ITSN2: variants seen among roughly 807,000 people sequenced by gnomAD.
The protein encoded by ITSN2 is intersectin 2, also known as intersectin-2.
Under a neutral mutation model 243.7 loss-of-function variants are expected in ITSN2, and 156 were observed. The observed-to-expected ratio is 0.64, with a 90% CI of 0.56 to 0.73. The LOEUF (loss-of-function observed/expected upper bound fraction) is 0.73, where lower values mean the gene tolerates loss of function less well. ITSN2 is among the 30% of genes least tolerant of loss of function. The probability of loss-of-function intolerance (pLI) is 0.00; values close to 1 mark genes in which losing one functional copy is unlikely to be tolerated. For missense variants in ITSN2, 1,801 were observed against 1,996.1 expected, an observed-to-expected ratio of 0.90 and a Z score of 1.86; for synonymous variants, 703 against 699.9, an observed-to-expected ratio of 1.00 and a Z score of -0.07.
At chr2:24,215,991 G>T in intron 32 of ITSN2, 58 bp downstream of exon 32, 1 of 1,361,910 alleles carries the variant, frequency 7.3e-7, no homozygotes, top group Non-Finnish European at 1.0e-6. Context: ...GGGCTACTGT[G>T]TGCTGTTGCC....
rs1050539558 is a variant in ITSN2, at chr2:24,225,915, C to T, written c.3578-4849G>A. On this transcript the variant is annotated intron_variant, in intron 29 of 39. Coordinates refer to ENST00000355123, the MANE Select transcript of ITSN2 (RefSeq NM_006277.3). The surrounding 1 kb of genome is among the most constrained non-coding windows in gnomAD (Gnocchi z 4.2). ...ATTCGGGTTTTATGGATAGGATACA[C>T]CCCTTTGCCACTCTCTATACCTGCA... Among the ~76,000 whole-genome samples, 1 of 152,262 alleles carries T rather than the reference C, an allele frequency of 6.6e-6. No individual in the cohort carries two copies. Among genetic ancestry groups the T allele is most frequent in the Middle Eastern group, 3.4e-3 (1 of 294 alleles).
chr2:24,313,416 C>A (rs1683507504), intron 4 of ITSN2, 44 bp downstream of exon 4: 2 of 1,537,746 alleles, frequency 1.3e-6, no homozygotes, highest in Admixed American at 1.8e-5. Context: ...TACAAAAAAA[C>A]AAAATACTAT....
At chr2:24,228,850 A>C (rs550320687) in intron 29 of ITSN2, among the ~76,000 whole-genome samples, 44 of 152,364 alleles carry the variant, frequency 2.9e-4, no homozygotes, top group African/African-American at 1.0e-3. Flanking sequence ...TAAATCTGTC[A>C]GTGAAAAGAG....
chr2:24,214,346 T>C (rs534087425), intron 32 of ITSN2: 6 of 152,206 alleles, frequency 3.9e-5, no homozygotes, highest in Non-Finnish European at 8.8e-5. Flanking sequence ...ACAGTTTGTA[T>C]AATATAGAAT....
intron 20 of ITSN2, among the ~76,000 whole-genome samples, chr2:24,263,157 GTATA>G (rs1676131914): frequency 6.6e-6 from 1 of 151,986 alleles, no homozygotes; most frequent in South Asian, 2.1e-4. Flanking sequence ...TAATACATAA[GTATA>G]TGTACTTACT....
chr2:24,256,132 G>C lies in ITSN2; in HGVS notation c.2889-1701C>G, dbSNP rs192214350. ...CCAGCTACTTGGGAGGCTGAGGCAG[G>C]AGAATTGCTTAAACCCAGGAGGTGG... On this transcript the variant is annotated intron_variant, in intron 23 of 39. Transcript: ENST00000355123. Among the ~76,000 whole-genome samples, 372 of 152,342 alleles carry C rather than the reference G, an allele frequency of 2.4e-3. 1 individual carries two copies. Among genetic ancestry groups the C allele is most frequent in the Non-Finnish European group, 4.3e-3 (293 of 68,020 alleles).
chr2:24,246,396 T>C, intron 28 of ITSN2, 76 bp from the exon 29 acceptor site: 8 of 771,844 alleles, frequency 1.0e-5, no homozygotes, highest in Non-Finnish European at 1.5e-5. Context: ...GTAATCTCCC[T>C]AGGATTTAAA....
At chr2:24,262,973 C>T (rs1325583454) in intron 20 of ITSN2, among the ~76,000 whole-genome samples, 1 of 152,114 alleles carries the variant, frequency 6.6e-6, no homozygotes, top group Non-Finnish European at 1.5e-5. Context: ...TGTCAACCCA[C>T]CCTCACTGCC....
rs767645856 is a variant in ITSN2 at position 24,302,081 on chromosome 2, A to G, written c.879T>C (p.Gly293=). ...ACTCTTCTGCTTTTAGCTGTCCATC[A>G]CCATCAACGTCAGCCAGAGTCCTAA... The part of the protein sequence containing the change: ...ATIWTLADVD[G]DGQLKAEEFI... Residue 293 remains glycine, a synonymous_variant, in exon 10 of 40, where the codon GGT becomes GGC. Transcript: ENST00000355123. 1.2e-6 allele frequency: 2 copies of G among 1,610,138 alleles called. No individual in the cohort carries two copies. The highest frequency in any genetic ancestry group is 3.4e-5 in the Admixed American group (2 of 59,610).
chr2:24,261,095 AGAC>A lies in ITSN2; in HGVS notation c.2682+8_2682+10del. ...AAAGAATAAAGCCCACAAAAATAAC[AGAC>A]AACATACCTGTCCATGAATAGGTGA... On this transcript the variant is annotated splice_region_variant and intron_variant, in intron 22 of 39. Transcript: ENST00000355123. 6.2e-7 allele frequency: 1 copy of A among 1,601,160 alleles called. No homozygotes were observed. Among genetic ancestry groups the A allele is most frequent in the Non-Finnish European group, 8.5e-7 (1 of 1,176,108 alleles).
chr2:24,260,362 T>A (rs1284748421), intron 22 of ITSN2, among the ~76,000 whole-genome samples: 1 of 152,024 alleles, frequency 6.6e-6, no homozygotes, highest in African/African-American at 2.4e-5. Context: ...AAGTCTGCAA[T>A]TTAAAAAAAT....
At chr2:24,212,901 T>C (rs1483804365) in intron 32 of ITSN2, among the ~76,000 whole-genome samples, 153 bp from the exon 33 acceptor site, 1 of 152,214 alleles carries the variant, frequency 6.6e-6, no homozygotes, top group East Asian at 1.9e-4. Context: ...GAGTGTTCTA[T>C]TTTTTATTTT....
At chr2:24,355,082 C>T (rs1688325521) in intron 1 of ITSN2, among the ~76,000 whole-genome samples, 1 of 152,136 alleles carries the variant, frequency 6.6e-6, no homozygotes, top group Non-Finnish European at 1.5e-5. Flanking sequence ...CTCCCACTTC[C>T]TCTTTGCTCT....
At chr2:24,329,522 C>T (rs1171212473) in intron 1 of ITSN2, among the ~76,000 whole-genome samples, 4 of 152,142 alleles carry the variant, frequency 2.6e-5, no homozygotes, top group Admixed American at 1.3e-4. Context: ...ATTTGCTTCC[C>T]TCAGCCACCC....
intron 32 of ITSN2, 77 bp from the exon 33 acceptor site, chr2:24,212,825 G>T: frequency 1.8e-6 from 2 of 1,138,168 alleles, no homozygotes; most frequent in Non-Finnish European, 2.7e-6. Flanking sequence ...TCGCCTTTTA[G>T]ATTTCACATT....
rs770237898 is a variant in ITSN2 at position 24,298,718 on chromosome 2, T to C, written c.1441A>G (p.Ile481Val). 2.6e-5 allele frequency: 42 copies of C among 1,613,002 alleles called. No individual in the cohort carries two copies. Among genetic ancestry groups the C allele is most frequent in the Non-Finnish European group, 3.6e-5 (42 of 1,179,572 alleles). Reference sequence around the variant, plus strand: ...TTCTTTTTAGAGTTTAACCTGACAATTTCTTCTTGTTCTCTATTCTTTTGA... The same window carrying C: ...TTCTTTTTAGAGTTTAACCTGACAACTTCTTCTTGTTCTCTATTCTTTTGA... Reference protein sequence around the residue: ...LNQKNREQEEIVRLNSKKKNL... With the variant: ...LNQKNREQEEVVRLNSKKKNL... The change falls in exon 13 of 40, where the codon ATT becomes GTT. Residue 481 changes from isoleucine (I) to valine (V), a missense_variant. This residue lies in a region of ITSN2 where 787 missense variants were observed against 803.9 expected (regional missense o/e 0.98). Coordinates refer to ENST00000355123, the MANE Select transcript of ITSN2 (RefSeq NM_006277.3).
chr2:24,292,799 A>C (rs1680431362), intron 15 of ITSN2, among the ~76,000 whole-genome samples: 1 of 152,232 alleles, frequency 6.6e-6, no homozygotes, highest in Non-Finnish European at 1.5e-5. Flanking sequence ...AATCAGCTTC[A>C]TCAATAATGA....
intron 17 of ITSN2, among the ~76,000 whole-genome samples, chr2:24,280,581 C>T (rs1015614045): frequency 6.6e-6 from 1 of 152,144 alleles, no homozygotes; most frequent in African/African-American, 2.4e-5. Flanking sequence ...TCTGCTAGTC[C>T]TCTCTCAGTT....
intron 1 of ITSN2, among the ~76,000 whole-genome samples, chr2:24,339,424 T>C (rs1341797464): frequency 1.3e-5 from 2 of 150,708 alleles, no homozygotes; most frequent in Non-Finnish European, 2.9e-5. Flanking sequence ...TGACCTGAGA[T>C]TGCGCCACTG....
Sources: allele counts gnomAD v4.1 joint callset (sites outside exome capture counted in the v4.1 genomes callset), GRCh38; gene constraint gnomAD v4.1.1; regional missense constraint gnomAD v4.1.1; non-coding constraint Gnocchi (gnomAD v3.1); transcripts MANE v1.5; gene names NCBI Gene and HGNC (gene_info 2026-07-23, HGNC 2026-07-21).